Variants in PTPRN2 observed in about 807,000 individuals in gnomAD.
The protein encoded by PTPRN2 is receptor-type tyrosine-protein phosphatase N2.
A neutral mutation model predicts 118.8 loss-of-function variants in PTPRN2; 74 were observed. The observed-to-expected ratio is 0.62, with a 90% CI of 0.52 to 0.76. The LOEUF is 0.76. Among genes scored for constraint, PTPRN2 ranks in the 30% least tolerant of loss-of-function variants. The pLI, the probability that PTPRN2 is intolerant of heterozygous loss-of-function variation, is 0.00. For synonymous variants in PTPRN2, 641 were observed against 608.0 expected (o/e 1.05, Z -0.80); for missense variants, 1,481 against 1,394.4 (o/e 1.06, Z -0.99).
At chr7:158,017,351 C>T (rs1292943803) in intron 11 of PTPRN2, among the ~76,000 whole-genome samples, 1 of 152,008 alleles carries the variant, frequency 6.6e-6, no homozygotes, top group African/African-American at 2.4e-5. Flanking sequence ...GTTCCCAGTG[C>T]CCAGCCCCTC....
Position 157,831,437 on chromosome 7 carries a change from G to A in PTPRN2, c.1788+67236C>T, listed in dbSNP as rs1807558056. Among the ~76,000 whole-genome samples the A allele has an allele frequency of 6.6e-6, 1 of 152,214 alleles. No homozygotes were observed. The highest frequency in any genetic ancestry group is 2.4e-5 in the African/African-American group (1 of 41,446). On this transcript the variant is annotated intron_variant, in intron 12 of 22. Transcript: ENST00000389418. This position sits in a 1 kb window ranked among gnomAD's most constrained non-coding sequence, Gnocchi z 4.8. ...GGGTTCTGTGTCCAGGGAAGAGCAG[G>A]GCAGGGCTGGGTGCATTTGGAGTTG...
chr7:157,607,225 A>G (rs1802055287), intron 15 of PTPRN2, among the ~76,000 whole-genome samples: 1 of 152,190 alleles, frequency 6.6e-6, no homozygotes, highest in Non-Finnish European at 1.5e-5. Flanking sequence ...CCCCACACAC[A>G]CTACTCCAAA....
At chr7:158,071,085 C>T (rs867691695) in intron 11 of PTPRN2, among the ~76,000 whole-genome samples, 677 of 13,674 alleles carry the variant, frequency 0.05, 19 homozygotes, top group Admixed American at 0.064. Context: ...GTGGAGGTGC[C>T]CGTGGTGGTG....
intron 2 of PTPRN2, among the ~76,000 whole-genome samples, chr7:158,413,927 G>T (rs1346885368): frequency 2.6e-5 from 4 of 152,172 alleles, no homozygotes; most frequent in Non-Finnish European, 5.9e-5. Flanking sequence ...ATTACCTGAG[G>T]TCAGGAGTTC....
chr7:158,170,108 G>C (rs1405839920), intron 5 of PTPRN2, among the ~76,000 whole-genome samples: 1 of 152,232 alleles, frequency 6.6e-6, no homozygotes, highest in Non-Finnish European at 1.5e-5. Flanking sequence ...CCTTAAGAAA[G>C]AGAATATGTG....
intron 11 of PTPRN2, among the ~76,000 whole-genome samples, chr7:158,066,814 G>A (rs1051675149): frequency 6.6e-6 from 1 of 152,016 alleles, no homozygotes; most frequent in Non-Finnish European, 1.5e-5. Context: ...ACTGGTCCTC[G>A]TGACTTGAGC....
At chr7:158,318,022 C>G (rs879843384) in intron 2 of PTPRN2, among the ~76,000 whole-genome samples, 23 of 152,182 alleles carry the variant, frequency 1.5e-4, no homozygotes, top group Non-Finnish European at 2.9e-4. Flanking sequence ...AAGGAGGAGA[C>G]GCCAGGCCCG....
intron 1 of PTPRN2, among the ~76,000 whole-genome samples, chr7:158,566,808 T>C (rs1827699894): frequency 6.6e-6 from 1 of 152,122 alleles, no homozygotes. Flanking sequence ...CTCTACCTCC[T>C]GAGTTCAAGC....
chr7:157,910,335 C>T (rs531342610), intron 11 of PTPRN2, among the ~76,000 whole-genome samples: 8 of 149,774 alleles, frequency 5.3e-5, no homozygotes, highest in South Asian at 2.1e-4. Flanking sequence ...CACGCACGTA[C>T]GCCGTGGGAA....
rs1215652135 is a variant in PTPRN2 at position 157,953,563 on chromosome 7, T to C, written c.1724-54826A>G. ...TGCTGCCCTGCAACCTGGATCCACA[T>C]GGCTGGAGGTCCGGTGTCCCTAAAG... On this transcript the variant is annotated intron_variant, in intron 11 of 22. Transcript: ENST00000389418. This position sits in a 1 kb window ranked among gnomAD's most constrained non-coding sequence, Gnocchi z 4.6. 1.3e-5 allele frequency among the ~76,000 whole-genome samples: 2 copies of C among 152,164 alleles called. No homozygotes were observed. The highest frequency in any genetic ancestry group is 2.4e-5 in the African/African-American group (1 of 41,438).
At chr7:157,909,445 G>A (rs781467637) in intron 11 of PTPRN2, among the ~76,000 whole-genome samples, 8 of 152,202 alleles carry the variant, frequency 5.3e-5, no homozygotes, top group African/African-American at 1.2e-4. Flanking sequence ...AAAGCCCTGC[G>A]CTGGCGCATC....
intron 2 of PTPRN2, among the ~76,000 whole-genome samples, chr7:158,334,059 G>A (rs1310319163): frequency 1.9e-5 from 1 of 53,490 alleles, no homozygotes; most frequent in Admixed American, 2.2e-4. Context: ...GCTGACGCCC[G>A]CAGACGTCAC....
chr7:157,872,702 T>C (rs1340470372), intron 12 of PTPRN2, among the ~76,000 whole-genome samples: 2 of 152,242 alleles, frequency 1.3e-5, no homozygotes, highest in African/African-American at 2.4e-5. Context: ...GGCTCCATCT[T>C]GCAGGAGGTA....
chr7:157,735,838 G>GC, intron 12 of PTPRN2, among the ~76,000 whole-genome samples: 1 of 152,248 alleles, frequency 6.6e-6, no homozygotes, highest in East Asian at 1.9e-4. Flanking sequence ...GGGAAAGGAG[G>GC]CCCCCGTGAG....
rs185361033 is a variant in PTPRN2, at chr7:158,385,905, C to A, written c.164-68973G>T. ...CATGCCCCGAGTCCCTCCTTCCGTG[C>A]TCCTCCTCCCTCCTCCCATTCCCCG... On this transcript the variant is annotated intron_variant, in intron 2 of 22. Coordinates refer to ENST00000389418, the MANE Select transcript of PTPRN2 (RefSeq NM_002847.5). 9.0e-4 allele frequency among the ~76,000 whole-genome samples: 136 copies of A among 150,744 alleles called. 2 individuals carry two copies. The highest frequency in any genetic ancestry group is 4.4e-4 in the Non-Finnish European group (30 of 67,456).
At chr7:158,098,179 C>T (rs755052668) in intron 10 of PTPRN2, among the ~76,000 whole-genome samples, 10 of 152,212 alleles carry the variant, frequency 6.6e-5, no homozygotes, top group Admixed American at 3.3e-4. Flanking sequence ...CAAGACCCAG[C>T]GTGGGGCAGC....
chr7:157,996,234 G>C (rs577303658), intron 11 of PTPRN2, among the ~76,000 whole-genome samples: 9 of 152,178 alleles, frequency 5.9e-5, no homozygotes, highest in African/African-American at 1.2e-4. Context: ...AATTACATGC[G>C]TGCATGGATG....
intron 12 of PTPRN2, among the ~76,000 whole-genome samples, chr7:157,854,009 C>T (rs947460279): frequency 1.1e-4 from 16 of 152,164 alleles, no homozygotes; most frequent in Non-Finnish European, 1.6e-4. Context: ...GATTCTTCTC[C>T]GAGGGCCTCA....
chr7:158,040,537 A>G (rs1029221891), intron 11 of PTPRN2, among the ~76,000 whole-genome samples: 2 of 152,236 alleles, frequency 1.3e-5, no homozygotes, highest in African/African-American at 4.8e-5. Flanking sequence ...CACGGAGAGA[A>G]TTATGCTGGA....
Sources: gnomAD v4.1 joint callset for allele counts (sites outside exome capture counted in the v4.1 genomes callset) on GRCh38, gnomAD v4.1.1 for gene constraint, Gnocchi (gnomAD v3.1) non-coding constraint, MANE v1.5 for transcripts, NCBI Gene and HGNC (gene_info 2026-07-23, HGNC 2026-07-21) for gene names.